The following GAS2 variants were observed in gnomAD, a reference collection of about 807,000 sequenced individuals.
GAS2 encodes the protein growth arrest specific 2, also known as growth arrest-specific protein 2.
GAS2 carries 20 observed loss-of-function variants against 37.5 expected under a neutral mutation model. The observed-to-expected ratio is 0.53, with a 90% CI of 0.37 to 0.77. The LOEUF is 0.77. GAS2 is among the 30% of genes least tolerant of loss of function. The probability of loss-of-function intolerance (pLI) is 0.00; values close to 1 mark genes in which losing one functional copy is unlikely to be tolerated. For synonymous variants in GAS2, 144 were observed against 132.2 expected, an observed-to-expected ratio of 1.09 and a Z score of -0.61; for missense variants, 336 against 373.4, an observed-to-expected ratio of 0.90 and a Z score of 0.82.
intron 3 of GAS2, among the ~76,000 whole-genome samples, chr11:22,710,597 C>T (rs941038197): frequency 6.6e-6 from 1 of 151,710 alleles, no homozygotes; most frequent in African/African-American, 2.4e-5. Flanking sequence ...TGCACATTCT[C>T]GAAAATATAA....
chr11:22,673,411 T>C (rs1427723677), intron 1 of GAS2, among the ~76,000 whole-genome samples: 2 of 152,228 alleles, frequency 1.3e-5, no homozygotes, highest in Non-Finnish European at 2.9e-5. Flanking sequence ...ACTGAAAACC[T>C]CATGATATCA....
At chr11:22,798,923 A>C (rs577090743) in intron 7 of GAS2, among the ~76,000 whole-genome samples, 1 of 152,228 alleles carries the variant, frequency 6.6e-6, no homozygotes, top group African/African-American at 2.4e-5. Flanking sequence ...ATTTCAGAAT[A>C]ATATTAGACA....
Position 22,635,769 on chromosome 11 carries a change from G to C in GAS2, c.-21+9956G>C, listed in dbSNP as rs1021386612. 3.3e-4 allele frequency among the ~76,000 whole-genome samples: 50 copies of C among 152,326 alleles called. 1 individual carries two copies. Among genetic ancestry groups the C allele is most frequent in the Admixed American group, 2.1e-3 (32 of 15,294 alleles). On this transcript the variant is annotated intron_variant, in intron 1 of 5. Coordinates refer to the GAS2 transcript ENST00000528582. ...CTTCTGTGAGGTAGGATTTGGAATG[G>C]CTTTCCTCTGTCCCCGGTGGAGTCT...
chr11:22,627,159 C>A (rs1382573817), intron 1 of GAS2, among the ~76,000 whole-genome samples: 4 of 152,196 alleles, frequency 2.6e-5, no homozygotes, highest in African/African-American at 9.7e-5. Context: ...TTATTTTATC[C>A]TAAGGATACT....
At chr11:22,730,474 C>T (rs1000296670) in intron 4 of GAS2, among the ~76,000 whole-genome samples, 25 of 151,822 alleles carry the variant, frequency 1.6e-4, no homozygotes, top group African/African-American at 5.8e-4. Context: ...GTGTGGTCTG[C>T]AGAGCATGTT....
At chr11:22,635,810 G>A (rs1160660842) in intron 1 of GAS2, among the ~76,000 whole-genome samples, 2 of 152,212 alleles carry the variant, frequency 1.3e-5, no homozygotes, top group African/African-American at 4.8e-5. Context: ...TGCATGCAAA[G>A]CATGTGCTGA....
At chr11:22,717,308 A>G (rs980505989) in intron 3 of GAS2, among the ~76,000 whole-genome samples, 4 of 152,220 alleles carry the variant, frequency 2.6e-5, no homozygotes, top group Admixed American at 6.6e-5. Context: ...CACATAGACC[A>G]ATGGAACAAA....
intron 2 of GAS2, among the ~76,000 whole-genome samples, chr11:22,678,479 T>TA (rs1041025657): frequency 6.6e-6 from 1 of 152,014 alleles, no homozygotes; most frequent in Non-Finnish European, 1.5e-5. Context: ...GTAAAAAACA[T>TA]AAAAAGATGA....
intron 3 of GAS2, among the ~76,000 whole-genome samples, chr11:22,697,547 T>C (rs558890638): frequency 2.0e-5 from 3 of 152,352 alleles, no homozygotes; most frequent in South Asian, 4.1e-4. Context: ...TATGACCATT[T>C]TCACGATACT....
chr11:22,682,324 T>C (rs1273196527), intron 2 of GAS2, among the ~76,000 whole-genome samples: 1 of 152,158 alleles, frequency 6.6e-6, no homozygotes, highest in Non-Finnish European at 1.5e-5. Flanking sequence ...TTATGTGTTG[T>C]TTTAAGTATA....
At chr11:22,644,874 T>TA (rs1217577759) in intron 1 of GAS2, among the ~76,000 whole-genome samples, 1 of 152,192 alleles carries the variant, frequency 6.6e-6, no homozygotes, top group East Asian at 1.9e-4. Flanking sequence ...TCTGCCTGCC[T>TA]AAGCCTCCCA....
At chr11:22,766,242 C>CTTT (rs34345069) in intron 7 of GAS2, among the ~76,000 whole-genome samples, 17 of 146,386 alleles carry the variant, frequency 1.2e-4, no homozygotes, top group South Asian at 1.1e-3. Flanking sequence ...TCCTCGGATT[C>CTTT]TTTTTTTTTT....
At chr11:22,662,640 TAAAG>T (rs1200063714), upstream of GAS2, among the ~76,000 whole-genome samples, 1 of 151,338 alleles carries the variant, frequency 6.6e-6, no homozygotes. Context: ...AACTACAAGA[TAAAG>T]AAAGAAAGAA....
At chr11:22,648,401 A>T in intron 1 of GAS2, among the ~76,000 whole-genome samples, 1 of 152,156 alleles carries the variant, frequency 6.6e-6, no homozygotes, top group Non-Finnish European at 1.5e-5. Context: ...TGACTTGGTG[A>T]TGCGGGCTCT....
chr11:22,646,604 C>T (rs375436566), intron 1 of GAS2, among the ~76,000 whole-genome samples: 2 of 152,280 alleles, frequency 1.3e-5, no homozygotes, highest in African/African-American at 4.8e-5. Context: ...GCAACTGAAA[C>T]TTTTAAAACA....
chr11:22,717,951 T>TA (rs1357859927), intron 3 of GAS2, among the ~76,000 whole-genome samples: 1 of 151,920 alleles, frequency 6.6e-6, no homozygotes, highest in African/African-American at 2.4e-5. Context: ...GGCCTTAATT[T>TA]AAAAATCAAA....
chr11:22,763,385 C>T (rs765962176), intron 7 of GAS2, among the ~76,000 whole-genome samples: 2 of 152,070 alleles, frequency 1.3e-5, no homozygotes, highest in Non-Finnish European at 2.9e-5. Context: ...GGTGATATTA[C>T]GTTCTTTTTT....
At chr11:22,751,783 T>C (rs1342772047) in intron 6 of GAS2, among the ~76,000 whole-genome samples, 2 of 151,942 alleles carry the variant, frequency 1.3e-5, no homozygotes, top group Non-Finnish European at 2.9e-5. Context: ...AGGAAAACTA[T>C]GAAAAGGACT....
intron 7 of GAS2, among the ~76,000 whole-genome samples, chr11:22,779,959 A>G (rs1162204358): frequency 3.3e-5 from 5 of 152,190 alleles, no homozygotes; most frequent in Non-Finnish European, 7.3e-5. Flanking sequence ...TGATGTCATA[A>G]TCTTTGCTGT....
Sources: gnomAD v4.1 joint callset for allele counts (sites outside exome capture counted in the v4.1 genomes callset) on GRCh38, gnomAD v4.1.1 for gene constraint, MANE v1.5 for transcripts, NCBI Gene and HGNC (gene_info 2026-07-23, HGNC 2026-07-21) for gene names.